The following EEFSEC variants were observed in gnomAD, a reference collection of about 807,000 sequenced individuals.
The protein encoded by EEFSEC is eukaryotic elongation factor, selenocysteine-tRNA specific.
Under a neutral mutation model 42.1 loss-of-function variants are expected in EEFSEC, and 43 were observed. That is an observed-to-expected ratio of 1.02 (90% CI 0.80 to 1.32). The LOEUF is 1.32. EEFSEC is among the 40% of genes most tolerant of loss of function. The pLI is 0.00. For synonymous variants in EEFSEC, 354 were observed against 339.1 expected (o/e 1.04, Z -0.48); for missense variants, 745 against 803.6 (o/e 0.93, Z 0.88).
At chr3:128,191,208 C>T (rs922096825) in intron 1 of EEFSEC, among the ~76,000 whole-genome samples, 14 of 152,226 alleles carry the variant, frequency 9.2e-5, no homozygotes, top group East Asian at 3.9e-4. Context: ...ATTGCCATGT[C>T]GTGGTTTCAT....
At chr3:128,259,464 C>T (rs987617266) in intron 2 of EEFSEC, among the ~76,000 whole-genome samples, 29 of 152,078 alleles carry the variant, frequency 1.9e-4, no homozygotes, top group Admixed American at 3.3e-4. Flanking sequence ...TCTTAGATGT[C>T]CATTGTGGTA....
intron 1 of EEFSEC, among the ~76,000 whole-genome samples, chr3:128,246,276 G>A (rs138122779): frequency 1.3e-3 from 203 of 152,122 alleles, no homozygotes; most frequent in African/African-American, 4.2e-3. Context: ...AGTACTTAGC[G>A]ATTATGACAC....
intron 6 of EEFSEC, 35 bp from the exon 7 acceptor site, chr3:128,408,034 C>T (rs376942353): frequency 3.5e-5 from 53 of 1,499,322 alleles, no homozygotes; most frequent in East Asian, 1.2e-4. Flanking sequence ...GCTTGGGGTA[C>T]GGCAGAGTGA....
intron 1 of EEFSEC, among the ~76,000 whole-genome samples, chr3:128,170,425 G>GGTGGTGAGCACC (rs6148064): frequency 0.29 from 43,518 of 151,718 alleles, 6,438 homozygotes; most frequent in South Asian, 0.37. Context: ...AGCCATGCGT[G>GGTGGTGAGCACC]TGTAATCCCA....
At chr3:128,266,745 C>T (rs947998148) in intron 4 of EEFSEC, among the ~76,000 whole-genome samples, 7 of 151,958 alleles carry the variant, frequency 4.6e-5, no homozygotes, top group Admixed American at 6.5e-5. Flanking sequence ...GTCATGTCCT[C>T]CTCTGAAGAC....
In EEFSEC at chr3:128,244,229, G is replaced by A. The variant is rs112507846; in HGVS notation, c.317-2607G>A. 3.7e-3 allele frequency among the ~76,000 whole-genome samples: 558 copies of A among 152,334 alleles called. 1 individual carries two copies. The highest frequency in any genetic ancestry group is 0.012 in the African/African-American group (518 of 41,578). On this transcript the variant is annotated intron_variant, in intron 1 of 6. Transcript: ENST00000254730. ...CCTCAAGACCCAGTCTCACAGCCCT[G>A]TGGCCAGTTCCCAGATTTACTGATG... is the stretch of plus-strand genomic sequence containing the variant.
intron 6 of EEFSEC, among the ~76,000 whole-genome samples, chr3:128,384,540 G>T (rs1271507485): frequency 3.3e-5 from 5 of 152,302 alleles, no homozygotes; most frequent in South Asian, 4.1e-4. Flanking sequence ...CTGTAGGCGG[G>T]CACCCGTCTC....
intron 4 of EEFSEC, among the ~76,000 whole-genome samples, chr3:128,302,669 G>A (rs936825275): frequency 2.0e-5 from 3 of 151,762 alleles, no homozygotes; most frequent in East Asian, 1.9e-4. Context: ...CTAACAGCAC[G>A]AAAGTTACAA....
chr3:128,240,465 G>A (rs1322094662), intron 1 of EEFSEC, among the ~76,000 whole-genome samples: 1 of 152,120 alleles, frequency 6.6e-6, no homozygotes, highest in Non-Finnish European at 1.5e-5. Context: ...CTTATTTGTG[G>A]TCCTTGTTTC....
chr3:128,377,057 C>T (rs57403402), intron 6 of EEFSEC, among the ~76,000 whole-genome samples: 10,797 of 151,970 alleles, frequency 0.071, 787 homozygotes, highest in African/African-American at 0.19. Context: ...TTTTTAATAA[C>T]CTAGAAGTAT....
chr3:128,283,216 C>G (rs558444228), intron 4 of EEFSEC, among the ~76,000 whole-genome samples: 1 of 152,310 alleles, frequency 6.6e-6, no homozygotes, highest in South Asian at 2.1e-4. Context: ...CTTTCCCATC[C>G]CAGGACAGCC....
At chr3:128,293,045 A>G (rs2066660684) in intron 4 of EEFSEC, among the ~76,000 whole-genome samples, 1 of 152,198 alleles carries the variant, frequency 6.6e-6, no homozygotes. Context: ...CCCATGGGTT[A>G]TTTATAAGTG....
intron 6 of EEFSEC, among the ~76,000 whole-genome samples, chr3:128,384,175 G>C (rs1336308777): frequency 6.6e-6 from 1 of 152,202 alleles, no homozygotes; most frequent in Non-Finnish European, 1.5e-5. Context: ...AGGGTGGAGA[G>C]ACAGCCTGGG....
intron 6 of EEFSEC, among the ~76,000 whole-genome samples, chr3:128,368,832 C>T (rs1049215163): frequency 6.6e-6 from 1 of 152,254 alleles, no homozygotes; most frequent in African/African-American, 2.4e-5. Context: ...ACCGCATGAG[C>T]CTGACACGTG....
intron 6 of EEFSEC, among the ~76,000 whole-genome samples, chr3:128,388,588 C>G (rs2067870414): frequency 6.6e-6 from 1 of 152,250 alleles, no homozygotes; most frequent in Non-Finnish European, 1.5e-5. Flanking sequence ...ACTGGCCTGG[C>G]CCGAGCCTCC....
At chr3:128,340,780 C>A (rs1454361938) in intron 4 of EEFSEC, among the ~76,000 whole-genome samples, 1 of 152,090 alleles carries the variant, frequency 6.6e-6, no homozygotes, top group African/African-American at 2.4e-5. Flanking sequence ...CTTTAGAGGG[C>A]AAATGGGCAC....
chr3:128,217,778 C>T (rs1476402304), intron 1 of EEFSEC, among the ~76,000 whole-genome samples: 3 of 152,190 alleles, frequency 2.0e-5, no homozygotes, highest in African/African-American at 7.2e-5. Context: ...GGACAGTCCT[C>T]AGGGGAAACC....
At chr3:128,365,450 G>C (rs2067579164) in intron 6 of EEFSEC, among the ~76,000 whole-genome samples, 1 of 152,204 alleles carries the variant, frequency 6.6e-6, no homozygotes, top group Non-Finnish European at 1.5e-5. Context: ...CTAACCCAGA[G>C]CTAGTCATTC....
chr3:128,248,175 C>G (rs914725327), intron 2 of EEFSEC, among the ~76,000 whole-genome samples: 1 of 152,184 alleles, frequency 6.6e-6, no homozygotes, highest in Admixed American at 6.5e-5. Flanking sequence ...TAGGCCAGTC[C>G]CTTTTGATCA....
Sources: allele counts gnomAD v4.1 joint callset (sites outside exome capture counted in the v4.1 genomes callset), GRCh38; gene constraint gnomAD v4.1.1; transcripts MANE v1.5; gene names NCBI Gene and HGNC (gene_info 2026-07-23, HGNC 2026-07-21).